Variants in GABRB2 observed in about 807,000 individuals in gnomAD.
The protein encoded by GABRB2 is gamma-aminobutyric acid type A receptor subunit beta2, also known as gamma-aminobutyric acid receptor subunit beta-2.
GABRB2 carries 16 observed loss-of-function variants against 54.7 expected under a neutral mutation model. The observed-to-expected ratio is 0.29, with a 90% confidence interval of 0.20 to 0.44. The LOEUF is 0.44. Ranked by LOEUF, GABRB2 falls within the 20% of genes least tolerant of loss-of-function variation. The pLI, the probability that GABRB2 is intolerant of heterozygous loss-of-function variation, is 1.00. For synonymous variants in GABRB2, 244 were observed against 233.8 expected (o/e 1.04, Z -0.40); for missense variants, 355 against 644.0 (o/e 0.55, Z 4.86).
At chr5:161,410,388 T>TCACA (rs1491564761) in intron 5 of GABRB2, among the ~76,000 whole-genome samples, 15,234 of 149,614 alleles carry the variant, frequency 0.1, 910 homozygotes, top group East Asian at 0.19. Context: ...TAAACAGAAT[T>TCACA]CTCACACACA....
intron 5 of GABRB2, among the ~76,000 whole-genome samples, chr5:161,363,334 C>T (rs1400378522): frequency 6.6e-6 from 1 of 151,932 alleles, no homozygotes; most frequent in African/African-American, 2.4e-5. Context: ...ACAATGAGGA[C>T]ACATGGAGAT....
chr5:161,430,530 G>A (rs191686530), intron 4 of GABRB2, among the ~76,000 whole-genome samples: 3 of 152,204 alleles, frequency 2.0e-5, no homozygotes, highest in East Asian at 3.9e-4. Flanking sequence ...AACCCAAAGA[G>A]GTCAGTTTGC....
intron 3 of GABRB2, among the ~76,000 whole-genome samples, chr5:161,468,165 G>A (rs984004808): frequency 1.3e-5 from 2 of 152,050 alleles, no homozygotes; most frequent in African/African-American, 4.8e-5. Context: ...TGCTCCTACA[G>A]TGTAGCAGAA....
chr5:161,317,644 A>G (rs922359234), intron 9 of GABRB2, among the ~76,000 whole-genome samples: 5 of 152,200 alleles, frequency 3.3e-5, no homozygotes, highest in Non-Finnish European at 7.4e-5. Context: ...AGAGTATAAT[A>G]GAATAAGTAC....
At chr5:161,530,013 C>T (rs1760407976) in intron 3 of GABRB2, among the ~76,000 whole-genome samples, 1 of 152,000 alleles carries the variant, frequency 6.6e-6, no homozygotes, top group African/African-American at 2.4e-5. Context: ...ATAGTAACCA[C>T]ATATGTCTTT....
At chr5:161,316,148 A>G (rs535130659) in intron 9 of GABRB2, among the ~76,000 whole-genome samples, 1 of 152,324 alleles carries the variant, frequency 6.6e-6, no homozygotes, top group South Asian at 2.1e-4. Flanking sequence ...TTTTGAGGTT[A>G]CTGGATGAGA....
intron 4 of GABRB2, among the ~76,000 whole-genome samples, chr5:161,420,561 C>T (rs548191543): frequency 4.6e-5 from 7 of 152,148 alleles, no homozygotes; most frequent in Non-Finnish European, 8.8e-5. Context: ...AATTGTCTCC[C>T]TCTGCAAAAC....
intron 3 of GABRB2, among the ~76,000 whole-genome samples, chr5:161,533,731 T>C (rs1581064640): frequency 6.6e-6 from 1 of 152,140 alleles, no homozygotes; most frequent in African/African-American, 2.4e-5. Flanking sequence ...TGTGCTCATA[T>C]GTTTGCATAT....
chr5:161,344,377 G>T (rs1754256880), intron 5 of GABRB2, among the ~76,000 whole-genome samples: 1 of 151,968 alleles, frequency 6.6e-6, no homozygotes, highest in South Asian at 2.1e-4. Context: ...TAAATATTTT[G>T]CCTCATTAGG....
chr5:161,389,775 A>T (rs752051755), intron 5 of GABRB2, among the ~76,000 whole-genome samples: 5 of 152,040 alleles, frequency 3.3e-5, no homozygotes, highest in Non-Finnish European at 5.9e-5. Flanking sequence ...GATACATCTC[A>T]AAGGTAATAT....
chr5:161,335,161 C>T (rs1753954329), intron 6 of GABRB2, among the ~76,000 whole-genome samples: 1 of 152,158 alleles, frequency 6.6e-6, no homozygotes, highest in African/African-American at 2.4e-5. Context: ...GTGAATCAAA[C>T]ATACCCCTCC....
At chr5:161,390,899 T>G (rs144792542) in intron 5 of GABRB2, among the ~76,000 whole-genome samples, 3 of 152,104 alleles carry the variant, frequency 2.0e-5, no homozygotes, top group African/African-American at 7.2e-5. Flanking sequence ...ACATATTATA[T>G]CTACACTTAA....
intron 4 of GABRB2, among the ~76,000 whole-genome samples, chr5:161,458,969 TTTC>T (rs148514580): frequency 0.057 from 8,674 of 152,286 alleles, 261 homozygotes; most frequent in Middle Eastern, 0.092. Flanking sequence ...AGATATATTT[TTTC>T]TTCTTTTTTT....
At chr5:161,459,404 G>C (rs1187682066) in intron 4 of GABRB2, 1 of 571,070 alleles carries the variant, frequency 1.8e-6, no homozygotes, top group Non-Finnish European at 3.1e-6. Context: ...ATCAGCAGCT[G>C]ATATTGGAAG....
chr5:161,330,774 C>A, intron 8 of GABRB2, 109 bp downstream of exon 8: 1 of 1,471,808 alleles, frequency 6.8e-7, no homozygotes. Flanking sequence ...ATTACCCATT[C>A]TCTTCCCTGG....
rs965067429 is a variant in GABRB2, at chr5:161,490,349, G to T, written c.238-30505C>A. 2.0e-5 allele frequency among the ~76,000 whole-genome samples: 3 copies of T among 151,734 alleles called. No homozygotes were observed. The South Asian group carries it at 6.2e-4, about 31-fold the overall frequency. ...TGAGAGTACCAGTTGAGAATTCAGGGTTAGAGCCTGGTCAGAGCCTTGTGA... is the reference window on the plus strand; with the variant it reads ...TGAGAGTACCAGTTGAGAATTCAGGTTTAGAGCCTGGTCAGAGCCTTGTGA... On this transcript the variant is annotated intron_variant, in intron 3 of 9. Coordinates refer to ENST00000393959, the MANE Select transcript of GABRB2 (RefSeq NM_001371727.1).
chr5:161,493,976 C>T (rs1759152624), intron 3 of GABRB2, among the ~76,000 whole-genome samples: 1 of 151,642 alleles, frequency 6.6e-6, no homozygotes, highest in Non-Finnish European at 1.5e-5. Flanking sequence ...AGTGATTCCA[C>T]AATGTGTACA....
chr5:161,466,183 A>G (rs894214235), intron 3 of GABRB2, among the ~76,000 whole-genome samples: 1 of 152,046 alleles, frequency 6.6e-6, no homozygotes, highest in African/African-American at 2.4e-5. Context: ...TCACCTAAGC[A>G]ATATTGTATC....
At chr5:161,529,170 T>A (rs1760375220) in intron 3 of GABRB2, among the ~76,000 whole-genome samples, 1 of 151,992 alleles carries the variant, frequency 6.6e-6, no homozygotes, top group Non-Finnish European at 1.5e-5. Context: ...TTTTTCAGTG[T>A]ATACACAAAT....
Sources: gnomAD v4.1 joint callset for allele counts (sites outside exome capture counted in the v4.1 genomes callset) on GRCh38, gnomAD v4.1.1 for gene constraint, MANE v1.5 for transcripts, NCBI Gene and HGNC (gene_info 2026-07-23, HGNC 2026-07-21) for gene names.